The following FBXL17 variants were observed in gnomAD, a reference collection of about 807,000 sequenced individuals.
FBXL17 encodes the protein F-box/LRR-repeat protein 17.
In FBXL17, 22 loss-of-function variants were observed where a neutral mutation model predicts 66.2. That is an observed-to-expected ratio of 0.33 (90% CI 0.24 to 0.47). FBXL17 has a LOEUF of 0.47. Ranked by LOEUF, FBXL17 falls within the 20% of genes least tolerant of loss-of-function variation. FBXL17 has a pLI of 1.00. For missense variants in FBXL17, 878 were observed against 948.2 expected (o/e 0.93, Z 0.97); for synonymous variants, 474 against 400.5 (o/e 1.18, Z -2.19).
chr5:107,901,047 G>A (rs1297651979), intron 7 of FBXL17, among the ~76,000 whole-genome samples: 1 of 152,070 alleles, frequency 6.6e-6, no homozygotes, highest in Admixed American at 6.6e-5. Context: ...AACATAAGCT[G>A]CATTTAAGAC....
rs767167365 is a variant in FBXL17, at chr5:108,224,208, T to C, written c.1527A>G (p.Lys509=). ...GCTCAGGACAGTGTTCAGCAAATGC[T>C]TTCACTGACTGATCTGTCACCTAGG... ...ENKLVTDQSV[K]AFAEHCPELQ... is the part of the protein sequence containing the mutation. The change falls in exon 5 of 9, where the codon AAA becomes AAG. Residue 509 remains lysine, a synonymous_variant. Coordinates refer to ENST00000542267, the MANE Select transcript of FBXL17 (RefSeq NM_001163315.3). 28 of 1,602,742 alleles carry C rather than the reference T, an allele frequency of 1.7e-5. No individual in the cohort carries two copies. The highest frequency in any genetic ancestry group is 2.3e-5 in the Non-Finnish European group (27 of 1,171,452).
At chr5:107,991,952 T>G (rs1753268157) in intron 7 of FBXL17, among the ~76,000 whole-genome samples, 1 of 152,176 alleles carries the variant, frequency 6.6e-6, no homozygotes, top group African/African-American at 2.4e-5. Flanking sequence ...TTTAATAAAA[T>G]AAAAACTAAT....
chr5:108,112,012 G>C (rs559908327), intron 6 of FBXL17, among the ~76,000 whole-genome samples: 1 of 152,324 alleles, frequency 6.6e-6, no homozygotes, highest in Admixed American at 6.5e-5. Context: ...TGCCTGGAGA[G>C]AGTTTCTGGA....
chr5:108,224,693 C>G (rs1580647613), intron 4 of FBXL17, among the ~76,000 whole-genome samples: 1 of 152,012 alleles, frequency 6.6e-6, no homozygotes, highest in African/African-American at 2.4e-5. Context: ...CCAGGTTCAA[C>G]TGATTCTCCT....
intron 8 of FBXL17, among the ~76,000 whole-genome samples, chr5:107,868,087 A>G (rs1258896289): frequency 6.6e-6 from 1 of 152,218 alleles, no homozygotes; most frequent in Non-Finnish European, 1.5e-5. Flanking sequence ...TTTCCCAGAC[A>G]TCTAAGCATG....
At chr5:108,191,339 T>C (rs1387703594) in intron 5 of FBXL17, among the ~76,000 whole-genome samples, 3 of 152,320 alleles carry the variant, frequency 2.0e-5, no homozygotes, top group East Asian at 3.9e-4. Context: ...ATGTTATCTC[T>C]CCATCACAAC....
At chr5:107,903,444 T>C (rs1360687564) in intron 7 of FBXL17, among the ~76,000 whole-genome samples, 2 of 152,210 alleles carry the variant, frequency 1.3e-5, no homozygotes, top group Non-Finnish European at 2.9e-5. Context: ...GCTGTTTTTA[T>C]AGTCCAAACA....
At chr5:108,202,045 C>A (rs904658079) in intron 5 of FBXL17, among the ~76,000 whole-genome samples, 5 of 151,788 alleles carry the variant, frequency 3.3e-5, no homozygotes, top group African/African-American at 9.7e-5. Context: ...ATAAGCAAAG[C>A]AAAATAATAT....
At position 108,147,780 on chromosome 5, in the gene FBXL17, A is replaced by T. The variant is rs1272108840; in HGVS notation, c.1745+38337T>A. Among the ~76,000 whole-genome samples the T allele has an allele frequency of 9.2e-5, 14 of 152,176 alleles. No individual in the cohort carries two copies. In the East Asian group the frequency reaches 2.7e-3, roughly 29 times the overall value. On this transcript the variant is annotated intron_variant, in intron 6 of 8. Transcript: ENST00000542267. Reference sequence around the variant, plus strand: ...AATCTGCATGATACCAAAGATAGAGAAGAGATATTAAAACCTGCCAGAAAA... The same window carrying T: ...AATCTGCATGATACCAAAGATAGAGTAGAGATATTAAAACCTGCCAGAAAA...
intron 4 of FBXL17, among the ~76,000 whole-genome samples, chr5:108,332,244 C>CT (rs1161483774): frequency 6.6e-6 from 1 of 152,034 alleles, no homozygotes; most frequent in Non-Finnish European, 1.5e-5. Flanking sequence ...TGTTCAAAAG[C>CT]TTTTTGATAA....
intron 6 of FBXL17, among the ~76,000 whole-genome samples, chr5:108,142,854 C>A (rs565490841): frequency 1.1e-4 from 16 of 151,922 alleles, no homozygotes; most frequent in Non-Finnish European, 1.8e-4. Flanking sequence ...TTACAGTGGA[C>A]GGATAGCATT....
chr5:107,952,598 ACCAT>A (rs1296644201), intron 7 of FBXL17, among the ~76,000 whole-genome samples: 1 of 152,222 alleles, frequency 6.6e-6, no homozygotes, highest in African/African-American at 2.4e-5. Context: ...ATTTTAATAT[ACCAT>A]CAAAAAGCTC....
chr5:107,897,900 A>T (rs1025279426), intron 7 of FBXL17, among the ~76,000 whole-genome samples: 5 of 148,998 alleles, frequency 3.4e-5, no homozygotes, highest in Non-Finnish European at 5.9e-5. Flanking sequence ...GAGATTGTGG[A>T]TATGATAAAA....
intron 4 of FBXL17, among the ~76,000 whole-genome samples, chr5:108,236,170 G>A (rs2150092917): frequency 6.6e-6 from 1 of 152,092 alleles, no homozygotes; most frequent in Middle Eastern, 3.4e-3. Flanking sequence ...GGACCATACT[G>A]CTGCACTCCA....
At chr5:108,213,177 T>C (rs1444696743) in intron 5 of FBXL17, among the ~76,000 whole-genome samples, 1 of 152,112 alleles carries the variant, frequency 6.6e-6, no homozygotes, top group South Asian at 2.1e-4. Context: ...AGCAGGCTGC[T>C]GCTGTGCTGA....
intron 7 of FBXL17, among the ~76,000 whole-genome samples, chr5:107,934,329 T>C (rs1436951746): frequency 6.6e-6 from 1 of 152,144 alleles, no homozygotes; most frequent in Non-Finnish European, 1.5e-5. Flanking sequence ...TCCAATAGCA[T>C]AAATGACCAT....
rs948532798 is a variant in FBXL17, at chr5:108,324,975, GA to G, written c.1506+23423del. On this transcript the variant is annotated intron_variant, in intron 4 of 8. Transcript: ENST00000542267. ...TAGAGGAATCAAAGTCAGAAAGGCA[GA>G]AAATAGGTACCTAGAGGAGTCAAAG... Among the ~76,000 whole-genome samples the G allele has an allele frequency of 1.1e-3, 166 of 152,156 alleles. 3 individuals carry two copies. Among genetic ancestry groups the G allele is most frequent in the African/African-American group, 3.8e-3 (157 of 41,546 alleles).
At chr5:108,021,848 T>C (rs954638756) in intron 6 of FBXL17, among the ~76,000 whole-genome samples, 1 of 151,868 alleles carries the variant, frequency 6.6e-6, no homozygotes, top group Non-Finnish European at 1.5e-5. Context: ...TTAATCTTTA[T>C]AAATAACAGT....
chr5:108,272,018 C>T (rs1337658873), intron 4 of FBXL17, among the ~76,000 whole-genome samples: 3 of 152,198 alleles, frequency 2.0e-5, no homozygotes, highest in Non-Finnish European at 4.4e-5. Flanking sequence ...CGGCCGGGTG[C>T]AGTGGCTCAC....
Sources: allele counts gnomAD v4.1 joint callset (sites outside exome capture counted in the v4.1 genomes callset), GRCh38; gene constraint gnomAD v4.1.1; transcripts MANE v1.5; gene names NCBI Gene and HGNC (gene_info 2026-07-23, HGNC 2026-07-21).